Variants in SCN8A observed in about 807,000 individuals in gnomAD.
SCN8A encodes the protein sodium voltage-gated channel alpha subunit 8.
Under a neutral mutation model 184.1 loss-of-function variants are expected in SCN8A, and 30 were observed. The observed-to-expected ratio is 0.16, with a 90% CI of 0.12 to 0.22. The LOEUF (loss-of-function observed/expected upper bound fraction) is 0.22, where lower values mean the gene tolerates loss of function less well. Ranked by LOEUF, SCN8A falls within the 10% of genes least tolerant of loss-of-function variation. The pLI is 1.00. For synonymous variants in SCN8A, 852 were observed against 907.0 expected (o/e 0.94, Z 1.09); for missense variants, 1,057 against 2,498.9 (o/e 0.42, Z 12.30).
chr12:51,596,698 A>G (rs953689965), intron 1 of SCN8A, among the ~76,000 whole-genome samples: 2 of 152,230 alleles, frequency 1.3e-5, no homozygotes, highest in African/African-American at 4.8e-5. Flanking sequence ...ATCAATAAGT[A>G]GAATATGGAT....
intron 6 of SCN8A, 199 bp downstream of exon 6, chr12:51,689,295 C>T: frequency 1.8e-6 from 1 of 567,112 alleles, no homozygotes; most frequent in East Asian, 2.8e-5. Context: ...CATGCAGCCC[C>T]CATTCCATCC....
rs1480456520 is a variant in SCN8A, at chr12:51,811,463, C to T, written c.*4034C>T. The T allele has an allele frequency of 1.3e-5, 2 of 152,190 alleles. No individual in the cohort carries two copies. Among genetic ancestry groups the T allele is most frequent in the African/African-American group, 4.8e-5 (2 of 41,420 alleles). 9.4% of individuals were successfully genotyped at this position (152,190 alleles called of 1,614,324 possible). A position where few individuals can be genotyped will look rare whatever the true frequency, so the allele number is the denominator to read the frequency against. On this transcript the variant is annotated 3_prime_UTR_variant, in exon 27 of 27. Transcript: ENST00000627620. Reference sequence around the variant, plus strand: ...CCTTTTTCACCTGTATGTTAAAAAACAAAAACAAAAAAACCCTATCCCTGT... The same window carrying T: ...CCTTTTTCACCTGTATGTTAAAAAATAAAAACAAAAAAACCCTATCCCTGT...
At chr12:51,741,461 G>C (rs1363987367) in intron 12 of SCN8A, among the ~76,000 whole-genome samples, 1 of 152,028 alleles carries the variant, frequency 6.6e-6, no homozygotes, top group African/African-American at 2.4e-5. Context: ...TTTACATTCA[G>C]TGTTATTACT....
intron 12 of SCN8A, among the ~76,000 whole-genome samples, chr12:51,737,557 A>G (rs966439186): frequency 1.3e-5 from 2 of 152,216 alleles, no homozygotes; most frequent in East Asian, 3.8e-4. Context: ...TTTGAAAGTC[A>G]TTTAATGTTT....
chr12:51,712,898 A>C, intron 11 of SCN8A: 15 of 1,579,054 alleles, frequency 9.5e-6, no homozygotes, highest in South Asian at 5.5e-5. Context: ...CCACGGCCAA[A>C]ATTACCTCCA....
chr12:51,765,009 C>T lies in SCN8A; in HGVS notation c.2545-662C>T, dbSNP rs199941732. Among the ~76,000 whole-genome samples the T allele has an allele frequency of 9.2e-5, 14 of 152,146 alleles. No homozygotes were observed. The East Asian group carries it at 2.7e-3, about 30-fold the overall frequency. ...CAGGCTGGTCTCGAACTCCTGGCCT[C>T]AAGTCATCTGCCTACCTCAGCCTCC... On this transcript the variant is annotated intron_variant, in intron 15 of 26. Coordinates refer to ENST00000627620, the MANE Select transcript of SCN8A (RefSeq NM_001330260.2).
intron 26 of SCN8A, among the ~76,000 whole-genome samples, chr12:51,795,872 C>CT (rs1938390965): frequency 7.0e-6 from 1 of 141,898 alleles, no homozygotes; most frequent in African/African-American, 2.8e-5. Flanking sequence ...TGATAAAACT[C>CT]TATCTCTGAA....
intron 12 of SCN8A, among the ~76,000 whole-genome samples, chr12:51,737,437 C>T (rs1047388776): frequency 2.0e-5 from 3 of 152,126 alleles, no homozygotes; most frequent in Non-Finnish European, 2.9e-5. Flanking sequence ...TTGTTAATTG[C>T]CAAGGGCTAG....
At chr12:51,646,595 G>A (rs913204539) in intron 1 of SCN8A, among the ~76,000 whole-genome samples, 54 of 152,320 alleles carry the variant, frequency 3.5e-4, no homozygotes, top group African/African-American at 1.3e-3. Flanking sequence ...ACACTTTTCA[G>A]TTTTAGAACA....
intron 14 of SCN8A, among the ~76,000 whole-genome samples, chr12:51,752,435 C>CACACA (rs143341417): frequency 5.3e-5 from 8 of 151,912 alleles, no homozygotes; most frequent in African/African-American, 1.7e-4. Flanking sequence ...CACACACACA[C>CACACA]CACACACCAC....
intron 1 of SCN8A, among the ~76,000 whole-genome samples, chr12:51,646,052 T>G (rs1223496985): frequency 6.6e-6 from 1 of 150,414 alleles, no homozygotes; most frequent in Non-Finnish European, 1.5e-5. Context: ...ATCAGCTCAT[T>G]TAACCCTCAA....
intron 9 of SCN8A, among the ~76,000 whole-genome samples, chr12:51,704,275 C>A (rs1941740919): frequency 6.6e-6 from 1 of 152,148 alleles, no homozygotes; most frequent in Non-Finnish European, 1.5e-5. Flanking sequence ...TAGTTTCCTT[C>A]TGCCTTTTTT....
In SCN8A at chr12:51,769,023, G is replaced by C. The variant is rs528718802; in HGVS notation, c.3060G>C (p.Gln1020His). The C allele has an allele frequency of 1.9e-6, 3 of 1,614,002 alleles. No individual in the cohort carries two copies. Among genetic ancestry groups the C allele is most frequent in the Non-Finnish European group, 2.5e-6 (3 of 1,179,890 alleles). ...WTKLKVHAFM[Q>H]AHFKQREADE... ...AACTAAAGGTGCACGCCTTCATGCAGGCCCACTTTAAGCAGCGTGAGGCTG... is the reference window on the plus strand; with the variant it reads ...AACTAAAGGTGCACGCCTTCATGCACGCCCACTTTAAGCAGCGTGAGGCTG... Residue 1020 changes from glutamine to histidine, a missense_variant, in exon 17 of 27, where the codon CAG becomes CAC. Coordinates refer to ENST00000627620, the MANE Select transcript of SCN8A (RefSeq NM_001330260.2).
At chr12:51,709,984 T>C (rs987714525) in intron 11 of SCN8A, among the ~76,000 whole-genome samples, 1 of 152,194 alleles carries the variant, frequency 6.6e-6, no homozygotes, top group Non-Finnish European at 1.5e-5. Flanking sequence ...GAGATCAGCC[T>C]GGGCAACATA....
intron 16 of SCN8A, chr12:51,768,225 T>C (rs1371280232): frequency 6.6e-6 from 1 of 152,168 alleles, no homozygotes; most frequent in East Asian, 1.9e-4. Context: ...TGTAGTAAAA[T>C]AGGAGATTAA....
chr12:51,781,251 G>T (rs1428795922), intron 21 of SCN8A, among the ~76,000 whole-genome samples: 2 of 152,172 alleles, frequency 1.3e-5, no homozygotes, highest in Admixed American at 1.3e-4. Context: ...GGCAGGCCTG[G>T]AATTGGGGAT....
chr12:51,657,663 T>C (rs10747619), intron 1 of SCN8A, among the ~76,000 whole-genome samples: 1 of 152,022 alleles, frequency 6.6e-6, no homozygotes, highest in Non-Finnish European at 1.5e-5. Flanking sequence ...TGCCTGTGTT[T>C]CCTGTGCTTT....
chr12:51,774,047 G>C, intron 19 of SCN8A, 142 bp from the exon 20 acceptor site: 1 of 558,990 alleles, frequency 1.8e-6, no homozygotes. Context: ...TAAAAAGCCT[G>C]TGTAGTCGGG....
intron 6 of SCN8A, among the ~76,000 whole-genome samples, chr12:51,699,252 A>G (rs73297665): frequency 6.6e-6 from 1 of 152,222 alleles, no homozygotes; most frequent in South Asian, 2.1e-4. Flanking sequence ...TGAAGGCCCT[A>G]TGGCAAGTAA....
Sources: gnomAD v4.1 joint callset for allele counts (sites outside exome capture counted in the v4.1 genomes callset) on GRCh38, gnomAD v4.1.1 for gene constraint, MANE v1.5 for transcripts, NCBI Gene and HGNC (gene_info 2026-07-23, HGNC 2026-07-21) for gene names.